LGALSL: variants seen among roughly 807,000 people sequenced by gnomAD.
LGALSL encodes the protein galectin-related protein.
Under a neutral mutation model 19.5 loss-of-function variants are expected in LGALSL, and 13 were observed. The ratio of observed to expected loss-of-function variants is 0.67; its 90% confidence interval spans 0.43 to 1.06. The LOEUF is 1.06. LGALSL is among the 50% of genes least tolerant of loss of function. LGALSL has a pLI of 0.00. For synonymous variants in LGALSL, 86 were observed against 78.3 expected (o/e 1.10, Z -0.52); for missense variants, 189 against 219.3 (o/e 0.86, Z 0.87).
chr2:64,457,421 C>CAA (rs754313047), intron 4 of LGALSL, among the ~76,000 whole-genome samples: 43 of 107,910 alleles, frequency 4.0e-4, no homozygotes, highest in African/African-American at 1.4e-3. Flanking sequence ...AAGGCTCTGT[C>CAA]AAAAAAAAAA....
In LGALSL at chr2:64,454,345, G is replaced by GCCTCCCTCC. The variant is rs1409887471; in HGVS notation, c.-194_-186dup. On this transcript the variant is annotated 5_prime_UTR_variant, in exon 1 of 5. Coordinates refer to ENST00000238875, the MANE Select transcript of LGALSL (RefSeq NM_014181.3). This position sits in a 1 kb window ranked among gnomAD's most constrained non-coding sequence, Gnocchi z 5.1. ...CACCTTCGCCCTCCCAGCTCGCGCT[G>GCCTCCCTCC]CCTCCCTCCCCTCCCCTCCTCCCAG... 1.0e-5 allele frequency: 4 copies of GCCTCCCTCC among 392,350 alleles called. No individual in the cohort carries two copies. The highest frequency in any genetic ancestry group is 1.8e-5 in the Non-Finnish European group (4 of 222,858). 24.3% of individuals were successfully genotyped at this position (392,350 alleles called of 1,614,324 possible).
intron 4 of LGALSL, among the ~76,000 whole-genome samples, chr2:64,457,124 A>G (rs1252549962): frequency 6.6e-6 from 1 of 152,208 alleles, no homozygotes; most frequent in East Asian, 1.9e-4. Flanking sequence ...ATGAAAGGCA[A>G]TGCCAAATAA....
Position 64,456,435 on chromosome 2 carries a change from C to T in LGALSL, c.345C>T (p.Tyr115=). ...ERGEEQSAIP[Y]FPFIPDQPFR... is the part of the protein sequence containing the mutation. ...GTGAAGAACAGTCAGCAATCCCTTACTTTCCATTCATTCCAGACCAGCCAT... is the reference window on the plus strand; with the variant it reads ...GTGAAGAACAGTCAGCAATCCCTTATTTTCCATTCATTCCAGACCAGCCAT... Residue 115 remains tyrosine, a synonymous_variant, in exon 4 of 5, where the codon TAC becomes TAT. Coordinates refer to ENST00000238875, the MANE Select transcript of LGALSL (RefSeq NM_014181.3). 6.2e-6 allele frequency: 10 copies of T among 1,601,088 alleles called. No individual in the cohort carries two copies. The highest frequency in any genetic ancestry group is 7.7e-6 in the Non-Finnish European group (9 of 1,173,128).
rs1214934624 is a variant in LGALSL at position 64,460,672 on chromosome 2, A to T, written c.*2244A>T. 6.6e-6 allele frequency: 1 copy of T among 152,226 alleles called. No individual in the cohort carries two copies. The highest frequency in any genetic ancestry group is 1.5e-5 in the Non-Finnish European group (1 of 68,036). The allele number at this position is 152,226 out of a possible 1,614,324, so 9.4% of individuals were successfully genotyped here. A position where few individuals can be genotyped will look rare whatever the true frequency, so the allele number is the denominator to read the frequency against. ...GGATAAGCCTATTGGGATTAATCTA[A>T]ATGATGTGATGATTTGATTCAGGTA... On this transcript the variant is annotated 3_prime_UTR_variant, in exon 5 of 5. Transcript: ENST00000238875.
chr2:64,457,445 A>T (rs1211482784), intron 4 of LGALSL, among the ~76,000 whole-genome samples: 1 of 152,112 alleles, frequency 6.6e-6, no homozygotes, highest in Non-Finnish European at 1.5e-5. Flanking sequence ...ATAAAGGGAA[A>T]TGCAAGTAGT....
Position 64,454,663 on chromosome 2 carries a change from G to T in LGALSL, c.36+82G>T. 9.7e-7 allele frequency: 1 copy of T among 1,034,608 alleles called. No homozygotes were observed. 64.1% of individuals were successfully genotyped at this position (1,034,608 alleles called of 1,614,324 possible). The stretch of plus-strand genomic sequence containing the variant: ...CCGCCTGCTCCAGCAGTGCTGGGGT[G>T]CTGAGCAGCCGCAGGCCCGGCCGGC... On this transcript the variant is annotated intron_variant, in intron 1 of 4. Transcript: ENST00000238875. This position sits in a 1 kb window ranked among gnomAD's most constrained non-coding sequence, Gnocchi z 5.1.
At position 64,454,758 on chromosome 2, in the gene LGALSL, T is replaced by C. The variant is rs1180070514; in HGVS notation, c.36+177T>C. Among the ~76,000 whole-genome samples the C allele has an allele frequency of 2.0e-5, 3 of 152,080 alleles. No individual in the cohort carries two copies. The highest frequency in any genetic ancestry group is 4.4e-5 in the Non-Finnish European group (3 of 67,918). On this transcript the variant is annotated intron_variant, in intron 1 of 4. Transcript: ENST00000238875. The surrounding 1 kb of genome is among the most constrained non-coding windows in gnomAD (Gnocchi z 5.1). ...GCTGCGCGCGGCCGGTGTTAGGGGCTGGAGAGGCTCCCGGGCTGCGGGGCT... is the reference window on the plus strand; with the variant it reads ...GCTGCGCGCGGCCGGTGTTAGGGGCCGGAGAGGCTCCCGGGCTGCGGGGCT...
Position 64,458,812 on chromosome 2 carries a change from G to A in LGALSL, c.*384G>A, listed in dbSNP as rs915930374. ...CATTTCTGCACTAAAGTGGAATTGT[G>A]TAGCACAACCAATATTTTAGTCAGG... On this transcript the variant is annotated 3_prime_UTR_variant, in exon 5 of 5. Transcript: ENST00000238875. 12 of 163,414 alleles carry A rather than the reference G, an allele frequency of 7.3e-5. No individual in the cohort carries two copies. Among genetic ancestry groups the A allele is most frequent in the African/African-American group, 2.6e-4 (11 of 42,020 alleles). 10.1% of individuals were successfully genotyped at this position (163,414 alleles called of 1,614,324 possible). A position where few individuals can be genotyped will look rare whatever the true frequency, so the allele number is the denominator to read the frequency against.
Position 64,458,837 on chromosome 2 carries a change from G to T in LGALSL, c.*409G>T. 1 of 157,590 alleles carries T rather than the reference G, an allele frequency of 6.3e-6. No homozygotes were observed. The highest frequency in any genetic ancestry group is 1.4e-5 in the Non-Finnish European group (1 of 71,992). 9.8% of individuals were successfully genotyped at this position (157,590 alleles called of 1,614,324 possible). A position where few individuals can be genotyped will look rare whatever the true frequency, so the allele number is the denominator to read the frequency against. On this transcript the variant is annotated 3_prime_UTR_variant, in exon 5 of 5. Transcript: ENST00000238875. ...GTAGCACAACCAATATTTTAGTCAG[G>T]GTATTTACATAGAATGTAGGTTGTT... is the stretch of plus-strand genomic sequence containing the variant.
intron 4 of LGALSL, among the ~76,000 whole-genome samples, chr2:64,457,740 C>T (rs1351460927): frequency 6.6e-6 from 1 of 152,104 alleles, no homozygotes; most frequent in Non-Finnish European, 1.5e-5. Context: ...CTGGAAGGCA[C>T]CCTTGACCCA....
rs1318300908 is a variant in LGALSL, at chr2:64,454,424, C to T, written c.-122C>T. Reference sequence around the variant, plus strand: ...CCGGGCGCGCGCGCGCGCGCCCCCTCGTGTGTGCGCGCGCCCGCCGCCAGC... The same window carrying T: ...CCGGGCGCGCGCGCGCGCGCCCCCTTGTGTGTGCGCGCGCCCGCCGCCAGC... On this transcript the variant is annotated 5_prime_UTR_variant, in exon 1 of 5. Transcript: ENST00000238875. This position sits in a 1 kb window ranked among gnomAD's most constrained non-coding sequence, Gnocchi z 5.1. The T allele has an allele frequency of 3.0e-5, 12 of 402,500 alleles. No homozygotes were observed. Among genetic ancestry groups the T allele is most frequent in the African/African-American group, 2.4e-4 (11 of 46,380 alleles). The allele number at this position is 402,500 out of a possible 1,614,324, so 24.9% of individuals were successfully genotyped here.
In LGALSL at chr2:64,454,477, G is replaced by A. The variant is rs1330773752; in HGVS notation, c.-69G>A. 219 of 862,634 alleles carry A rather than the reference G, an allele frequency of 2.5e-4. No individual in the cohort carries two copies. The East Asian group carries it at 9.7e-3, about 38-fold the overall frequency. 53.4% of individuals were successfully genotyped at this position (862,634 alleles called of 1,614,324 possible). Reference sequence around the variant, plus strand: ...GGACCCGCGCCCCCGCCCCCGCCCCGCGCAGGACAGCCCCGGGATCCCCGC... The same window carrying A: ...GGACCCGCGCCCCCGCCCCCGCCCCACGCAGGACAGCCCCGGGATCCCCGC... On this transcript the variant is annotated 5_prime_UTR_variant, in exon 1 of 5. Coordinates refer to ENST00000238875, the MANE Select transcript of LGALSL (RefSeq NM_014181.3). This position sits in a 1 kb window ranked among gnomAD's most constrained non-coding sequence, Gnocchi z 5.1.
rs1404008110 is a variant in LGALSL at position 64,456,410 on chromosome 2, G to T, written c.320G>T (p.Gly107Val). ...LRNSCISGER[G>V]EEQSAIPYFP... ...AATTCTTGTATATCTGGGGAGAGGG[G>T]TGAAGAACAGTCAGCAATCCCTTAC... The change falls in exon 4 of 5, where the codon GGT (glycine) becomes GTT (valine). Residue 107 changes from glycine (G) to valine (V), a missense_variant. Transcript: ENST00000238875. 1.9e-6 allele frequency: 3 copies of T among 1,609,186 alleles called. No individual in the cohort carries two copies. The highest frequency in any genetic ancestry group is 2.5e-6 in the Non-Finnish European group (3 of 1,177,586).
chr2:64,456,405 G>A lies in LGALSL; in HGVS notation c.315G>A (p.Glu105=). 3 of 1,611,006 alleles carry A rather than the reference G, an allele frequency of 1.9e-6. No homozygotes were observed. The highest frequency in any genetic ancestry group is 2.5e-6 in the Non-Finnish European group (3 of 1,178,558). ...QLLRNSCISG[E]RGEEQSAIPY... Reference sequence around the variant, plus strand: ...TCAGAAATTCTTGTATATCTGGGGAGAGGGGTGAAGAACAGTCAGCAATCC... The same window carrying A: ...TCAGAAATTCTTGTATATCTGGGGAAAGGGGTGAAGAACAGTCAGCAATCC... The change falls in exon 4 of 5, where the codon GAG becomes GAA. Residue 105 remains glutamate, a synonymous_variant. Coordinates refer to ENST00000238875, the MANE Select transcript of LGALSL (RefSeq NM_014181.3).
chr2:64,455,283 C>G, intron 1 of LGALSL, 61 bp from the exon 2 acceptor site: 3 of 1,101,986 alleles, frequency 2.7e-6, no homozygotes, highest in Non-Finnish European at 4.2e-6. Flanking sequence ...TGTGTGGGTT[C>G]TTCCTCCAGC....
Position 64,454,655 on chromosome 2 carries a change from G to T in LGALSL, c.36+74G>T. On this transcript the variant is annotated intron_variant, in intron 1 of 4. Transcript: ENST00000238875. The surrounding 1 kb of genome is among the most constrained non-coding windows in gnomAD (Gnocchi z 5.1). ...CTCCGCCGCCGCCTGCTCCAGCAGT[G>T]CTGGGGTGCTGAGCAGCCGCAGGCC... 1 of 1,094,646 alleles carries T rather than the reference G, an allele frequency of 9.1e-7. No homozygotes were observed. The allele number at this position is 1,094,646 out of a possible 1,614,324, so 67.8% of individuals were successfully genotyped here. A position where few individuals can be genotyped will look rare whatever the true frequency, so the allele number is the denominator to read the frequency against.
At chr2:64,457,503 C>T (rs972196148) in intron 4 of LGALSL, among the ~76,000 whole-genome samples, 1 of 152,102 alleles carries the variant, frequency 6.6e-6, no homozygotes, top group African/African-American at 2.4e-5. Context: ...GTCATTACAC[C>T]TTAACATTAC....
Position 64,454,947 on chromosome 2 carries a change from C to A in LGALSL, c.36+366C>A, listed in dbSNP as rs994680501. ...CGGGGATTCCCCCTTGGAAATGGGT[C>A]GGCGCCCGGGGCTCCCGAGAGAAGT... is the stretch of plus-strand genomic sequence containing the variant. On this transcript the variant is annotated intron_variant, in intron 1 of 4. Transcript: ENST00000238875. The surrounding 1 kb of genome is among the most constrained non-coding windows in gnomAD (Gnocchi z 5.1). Among the ~76,000 whole-genome samples, 1 of 152,170 alleles carries A rather than the reference C, an allele frequency of 6.6e-6. No homozygotes were observed. Among genetic ancestry groups the A allele is most frequent in the African/African-American group, 2.4e-5 (1 of 41,438 alleles).
In LGALSL at chr2:64,459,810, G is replaced by C. The variant is rs1457795392; in HGVS notation, c.*1382G>C. 6.6e-6 allele frequency: 1 copy of C among 152,186 alleles called. No homozygotes were observed. Among genetic ancestry groups the C allele is most frequent in the Non-Finnish European group, 1.5e-5 (1 of 68,036 alleles). The allele number at this position is 152,186 out of a possible 1,614,324, so 9.4% of individuals were successfully genotyped here. On this transcript the variant is annotated 3_prime_UTR_variant, in exon 5 of 5. Transcript: ENST00000238875. The stretch of plus-strand genomic sequence containing the variant: ...GCAGTACTGTAAACGTCACCGCAAG[G>C]CAAGGGATGCTTAAAGTCCTGGGTT...
Sources: gnomAD v4.1 joint callset for allele counts (sites outside exome capture counted in the v4.1 genomes callset) on GRCh38, gnomAD v4.1.1 for gene constraint, Gnocchi (gnomAD v3.1) non-coding constraint, MANE v1.5 for transcripts, NCBI Gene and HGNC (gene_info 2026-07-23, HGNC 2026-07-21) for gene names.